The following FAM76A variants were observed in gnomAD, a reference collection of about 807,000 sequenced individuals.
FAM76A encodes the protein protein FAM76A.
Under a neutral mutation model 46.2 loss-of-function variants are expected in FAM76A, and 32 were observed. The ratio of observed to expected loss-of-function variants is 0.69; its 90% CI spans 0.52 to 0.93. The LOEUF (loss-of-function observed/expected upper bound fraction) is 0.93, where lower values mean the gene tolerates loss of function less well. Among genes scored for constraint, FAM76A ranks in the 40% least tolerant of loss-of-function variants. The pLI, the probability that FAM76A is intolerant of heterozygous loss-of-function variation, is 0.00. For missense variants in FAM76A, 274 were observed against 361.5 expected (o/e 0.76, Z 1.96); for synonymous variants, 137 against 127.0 (o/e 1.08, Z -0.53).
At position 27,734,041 on chromosome 1, in the gene FAM76A, G is replaced by C; in HGVS notation, c.212G>C (p.Cys71Ser). 6.2e-7 allele frequency: 1 copy of C among 1,606,768 alleles called. No individual in the cohort carries two copies. Residue 71 changes from cysteine (C) to serine (S), a missense_variant, in exon 4 of 9, where the codon TGT becomes TCT. Cys to Ser is a moderately radical substitution (Grantham distance 112). Transcript: ENST00000373954. Reference protein sequence around the residue: ...NVQLYGTPKPCQYCNIIAAFI... With the variant: ...NVQLYGTPKPSQYCNIIAAFI... ...TTTTCCCCTTTTAAGCCCAAACCTTGTCAGTATTGCAACATAATTGCAGCA... is the reference window on the plus strand; with the variant it reads ...TTTTCCCCTTTTAAGCCCAAACCTTCTCAGTATTGCAACATAATTGCAGCA...
chr1:27,741,895 AAG>A lies in FAM76A; in HGVS notation c.355-2752_355-2751del, dbSNP rs199707242. Among the ~76,000 whole-genome samples the A allele has an allele frequency of 2.3e-3, 335 of 146,056 alleles. 5 individuals carry two copies. The highest frequency in any genetic ancestry group is 8.7e-3 in the African/African-American group (314 of 36,028). On this transcript the variant is annotated intron_variant, in intron 4 of 8. Coordinates refer to ENST00000373954, the MANE Select transcript of FAM76A (RefSeq NM_152660.3). The stretch of plus-strand genomic sequence containing the variant: ...GAGACTCTATCTCAAAAAAAAAAAA[AAG>A]AGAGAGGATGTAATCATTTACATTT...
chr1:27,759,119 T>TCTG (rs1475449511), intron 7 of FAM76A, among the ~76,000 whole-genome samples: 1 of 152,162 alleles, frequency 6.6e-6, no homozygotes, highest in African/African-American at 2.4e-5. Context: ...GAAATCTAGC[T>TCTG]CTGCCCCTTG....
At chr1:27,734,474 G>C (rs1379785581) in intron 4 of FAM76A, among the ~76,000 whole-genome samples, 2 of 152,124 alleles carry the variant, frequency 1.3e-5, no homozygotes, top group African/African-American at 4.8e-5. Flanking sequence ...TTGAACCCGG[G>C]AGGCAGAGGT....
chr1:27,762,716 T>C lies in FAM76A; in HGVS notation c.*2135T>C, dbSNP rs897818521. On this transcript the variant is annotated 3_prime_UTR_variant, in exon 9 of 9. Transcript: ENST00000373954. ...ACTGTCATAATATTTTTCAGATGCATTTGCATTGACTATGGGAGAAAAATT... is the reference window on the plus strand; with the variant it reads ...ACTGTCATAATATTTTTCAGATGCACTTGCATTGACTATGGGAGAAAAATT... The C allele has an allele frequency of 3.3e-5, 5 of 152,146 alleles. No homozygotes were observed. Among genetic ancestry groups the C allele is most frequent in the African/African-American group, 1.2e-4 (5 of 41,448 alleles). The allele number at this position is 152,146 out of a possible 1,614,324, so 9.4% of individuals were successfully genotyped here.
chr1:27,728,670 G>A (rs2087903401), intron 2 of FAM76A, among the ~76,000 whole-genome samples: 1 of 152,154 alleles, frequency 6.6e-6, no homozygotes, highest in Non-Finnish European at 1.5e-5. Flanking sequence ...ATTTTTAAAA[G>A]TGTGAAATGG....
intron 6 of FAM76A, among the ~76,000 whole-genome samples, chr1:27,752,970 A>T (rs573702812): frequency 1.2e-4 from 19 of 152,124 alleles, no homozygotes; most frequent in African/African-American, 4.6e-4. Context: ...GACCAGCCTG[A>T]CCAACATGGA....
chr1:27,738,230 G>GCCTGTAATC (rs2088089638), intron 4 of FAM76A, among the ~76,000 whole-genome samples: 1 of 151,936 alleles, frequency 6.6e-6, no homozygotes, highest in East Asian at 1.9e-4. Flanking sequence ...AGTGGCTCAC[G>GCCTGTAATC]CCTGTAATCC....
At chr1:27,757,140 C>T (rs1455559730) in intron 7 of FAM76A, among the ~76,000 whole-genome samples, 2 of 149,790 alleles carry the variant, frequency 1.3e-5, no homozygotes, top group African/African-American at 2.5e-5. Flanking sequence ...ATGCTAACTT[C>T]GTGCCTAGCT....
At chr1:27,732,289 G>A (rs910585613) in intron 2 of FAM76A, among the ~76,000 whole-genome samples, 10 of 152,256 alleles carry the variant, frequency 6.6e-5, no homozygotes, top group Middle Eastern at 3.4e-3. Context: ...AATTAGTTGG[G>A]TGTGGTGGTG....
Position 27,744,822 on chromosome 1 carries a change from G to C in FAM76A, c.512+11G>C. 1 of 1,612,372 alleles carries C rather than the reference G, an allele frequency of 6.2e-7. No individual in the cohort carries two copies. Among genetic ancestry groups the C allele is most frequent in the Non-Finnish European group, 8.5e-7 (1 of 1,178,722 alleles). ...TGGCCATTATAACAGGTAACCTCAA[G>C]ACACATGAGATGGGACTAGAAGTGC... On this transcript the variant is annotated intron_variant, in intron 5 of 8. Coordinates refer to ENST00000373954, the MANE Select transcript of FAM76A (RefSeq NM_152660.3).
rs760723201 is a variant in FAM76A at position 27,760,472 on chromosome 1, G to T, written c.838-23G>T. The T allele has an allele frequency of 3.1e-6, 5 of 1,592,254 alleles. No individual in the cohort carries two copies. The South Asian group carries it at 5.6e-5, about 18-fold the overall frequency. On this transcript the variant is annotated intron_variant, in intron 8 of 8. Coordinates refer to ENST00000373954, the MANE Select transcript of FAM76A (RefSeq NM_152660.3). ...ATATCCTGTTTGAAACATCCTTCTTGCACTGATTTTTTTTTTCTTTAGGCC... is the reference window on the plus strand; with the variant it reads ...ATATCCTGTTTGAAACATCCTTCTTTCACTGATTTTTTTTTTCTTTAGGCC...
At chr1:27,736,828 G>A (rs148945264) in intron 4 of FAM76A, among the ~76,000 whole-genome samples, 4,048 of 152,064 alleles carry the variant, frequency 0.027, 75 homozygotes, top group Non-Finnish European at 0.042. Context: ...GGCCAGGCTG[G>A]TCTCGAACTC....
At chr1:27,728,954 A>G (rs2087908853) in intron 2 of FAM76A, among the ~76,000 whole-genome samples, 1 of 148,012 alleles carries the variant, frequency 6.8e-6, no homozygotes, top group Non-Finnish European at 1.5e-5. Context: ...ACGGGGGGAA[A>G]CTCTGTCTCA....
rs1015889368 is a variant in FAM76A at position 27,742,639 on chromosome 1, G to A, written c.355-2015G>A. On this transcript the variant is annotated intron_variant, in intron 4 of 8. Transcript: ENST00000373954. ...TTGGCCAAAGGATTTCAGTTACATA[G>A]GAGGAATAAGTTGAAGAGATCCATT... Among the ~76,000 whole-genome samples the A allele has an allele frequency of 1.1e-4, 16 of 152,088 alleles. 1 individual carries two copies. Among genetic ancestry groups the A allele is most frequent in the Admixed American group, 5.2e-4 (8 of 15,256 alleles).
At position 27,727,525 on chromosome 1, in the gene FAM76A, C is replaced by T; in HGVS notation, c.135C>T (p.Tyr45=). The T allele has an allele frequency of 6.2e-7, 1 of 1,613,150 alleles. No individual in the cohort carries two copies. The highest frequency in any genetic ancestry group is 8.5e-7 in the Non-Finnish European group (1 of 1,179,198). The change falls in exon 2 of 9, where the codon TAC becomes TAT. Residue 45 remains tyrosine, a synonymous_variant. Coordinates refer to ENST00000373954, the MANE Select transcript of FAM76A (RefSeq NM_152660.3). ...VVKCTYCRTE[Y]QQESKTNTIC... Reference sequence around the variant, plus strand: ...AGTGCACCTACTGCAGGACTGAGTACCAGCAGGAGAGGTAGAGTTTTGTTG... The same window carrying T: ...AGTGCACCTACTGCAGGACTGAGTATCAGCAGGAGAGGTAGAGTTTTGTTG...
chr1:27,745,808 T>C (rs1414589609), intron 5 of FAM76A, among the ~76,000 whole-genome samples: 1 of 152,146 alleles, frequency 6.6e-6, no homozygotes, highest in Non-Finnish European at 1.5e-5. Context: ...GAGAATAGCA[T>C]TTGCAAAGGC....
chr1:27,733,958 A>G, intron 3 of FAM76A, 73 bp from the exon 4 acceptor site: 1 of 1,438,336 alleles, frequency 7.0e-7, no homozygotes, highest in Non-Finnish European at 9.5e-7. Context: ...ACAAAGTAGG[A>G]ATTATTGCTT....
chr1:27,757,863 G>A (rs2088440009), intron 7 of FAM76A, among the ~76,000 whole-genome samples: 1 of 151,996 alleles, frequency 6.6e-6, no homozygotes, highest in African/African-American at 2.4e-5. Context: ...TGTAGTCCCA[G>A]CTACTCGGGA....
intron 4 of FAM76A, among the ~76,000 whole-genome samples, chr1:27,735,702 G>T (rs1396865979): frequency 6.6e-6 from 1 of 152,192 alleles, no homozygotes; most frequent in African/African-American, 2.4e-5. Flanking sequence ...CCTGGGGCTA[G>T]CTGAATGACC....
Sources: gnomAD v4.1 joint callset for allele counts (sites outside exome capture counted in the v4.1 genomes callset) on GRCh38, gnomAD v4.1.1 for gene constraint, MANE v1.5 for transcripts, NCBI Gene and HGNC (gene_info 2026-07-23, HGNC 2026-07-21) for gene names.